The following CYP39A1 variants were observed in gnomAD, a reference collection of about 807,000 sequenced individuals.
The protein encoded by CYP39A1 is cytochrome P450 family 39 subfamily A member 1.
In CYP39A1, 49 loss-of-function variants were observed where a neutral mutation model predicts 58.1. The ratio of observed to expected loss-of-function variants is 0.84; its 90% CI spans 0.67 to 1.07. The LOEUF is 1.07. Ranked by LOEUF, CYP39A1 falls within the 50% of genes least tolerant of loss-of-function variation. CYP39A1 has a pLI of 0.00. For missense variants in CYP39A1, 531 were observed against 539.4 expected (o/e 0.98, Z 0.16); for synonymous variants, 209 against 187.6 (o/e 1.11, Z -0.93).
At chr6:46,586,993 G>A in intron 10 of CYP39A1, 84 bp downstream of exon 10, 1 of 890,716 alleles carries the variant, frequency 1.1e-6, no homozygotes, top group South Asian at 1.5e-5. Flanking sequence ...TATATATAAA[G>A]AGATTAAGCC....
intron 1 of CYP39A1, 99 bp downstream of exon 1, chr6:46,652,307 T>A (rs1165752328): frequency 1.0e-5 from 12 of 1,177,218 alleles, no homozygotes; most frequent in Non-Finnish European, 1.4e-5. Context: ...AGCAGGTATG[T>A]TCCCCGTGTT....
intron 7 of CYP39A1, among the ~76,000 whole-genome samples, chr6:46,600,080 C>T (rs1773394953): frequency 6.6e-6 from 1 of 151,996 alleles, no homozygotes; most frequent in African/African-American, 2.4e-5. Flanking sequence ...AGAGGAGCAT[C>T]TTTTGGTATT....
At chr6:46,560,138 C>A (rs1770897910) in intron 10 of CYP39A1, among the ~76,000 whole-genome samples, 1 of 151,998 alleles carries the variant, frequency 6.6e-6, no homozygotes, top group Non-Finnish European at 1.5e-5. Context: ...GTGCAAAAAT[C>A]CAGAGTTAGA....
intron 10 of CYP39A1, among the ~76,000 whole-genome samples, chr6:46,557,223 AT>A (rs1315704782): frequency 1.3e-5 from 2 of 152,020 alleles, no homozygotes; most frequent in Non-Finnish European, 2.9e-5. Context: ...TCTAACATAC[AT>A]GTTATTAGAG....
chr6:46,588,408 T>G (rs1772610371), intron 8 of CYP39A1, among the ~76,000 whole-genome samples: 1 of 151,992 alleles, frequency 6.6e-6, no homozygotes. Context: ...TGTACATATA[T>G]TCAGTTATAT....
At chr6:46,605,627 G>A (rs1773800414) in intron 7 of CYP39A1, among the ~76,000 whole-genome samples, 1 of 152,060 alleles carries the variant, frequency 6.6e-6, no homozygotes, top group Non-Finnish European at 1.5e-5. Flanking sequence ...GGAATCAAGA[G>A]AAGGCTAGAA....
chr6:46,610,077 A>ATTCT, intron 7 of CYP39A1, among the ~76,000 whole-genome samples: 1 of 152,338 alleles, frequency 6.6e-6, no homozygotes, highest in African/African-American at 2.4e-5. Flanking sequence ...TAGAATATTA[A>ATTCT]TTCTTTCCAA....
At chr6:46,577,004 G>GA (rs1401077694) in intron 10 of CYP39A1, among the ~76,000 whole-genome samples, 10 of 152,170 alleles carry the variant, frequency 6.6e-5, no homozygotes, top group South Asian at 4.1e-4. Flanking sequence ...CAATGCAAAA[G>GA]AAAAAATCTT....
At chr6:46,585,471 CA>C (rs905841543) in intron 10 of CYP39A1, among the ~76,000 whole-genome samples, 4 of 152,082 alleles carry the variant, frequency 2.6e-5, no homozygotes, top group Non-Finnish European at 4.4e-5. Flanking sequence ...GTGACAAAAA[CA>C]AAAAATTTGT....
At position 46,633,806 on chromosome 6, in the gene CYP39A1, G is replaced by A. The variant is rs372472301; in HGVS notation, c.732+2583C>T. ...TGGGAGGCAGAGGTTGCAGTGAGCC[G>A]AGATCACACCACTGCACTCCAGCCT... On this transcript the variant is annotated intron_variant, in intron 5 of 11. Coordinates refer to ENST00000275016, the MANE Select transcript of CYP39A1 (RefSeq NM_016593.5). Among the ~76,000 whole-genome samples, 8 of 151,304 alleles carry A rather than the reference G, an allele frequency of 5.3e-5. No individual in the cohort carries two copies. The East Asian group carries it at 7.8e-4, about 15-fold the overall frequency.
chr6:46,626,661 T>G (rs1775325729), intron 6 of CYP39A1, among the ~76,000 whole-genome samples: 1 of 152,198 alleles, frequency 6.6e-6, no homozygotes, highest in South Asian at 2.1e-4. Flanking sequence ...TTAGAGGCTT[T>G]CTTTCAGGAG....
intron 10 of CYP39A1, among the ~76,000 whole-genome samples, chr6:46,555,177 T>C (rs554816014): frequency 1.3e-5 from 2 of 152,318 alleles, no homozygotes; most frequent in East Asian, 1.9e-4. Context: ...CTTGACACCA[T>C]GTGGCTCTAG....
chr6:46,569,294 C>CAT lies in CYP39A1; in HGVS notation c.1251-15442_1251-15441dup, dbSNP rs563649959. 7.9e-5 allele frequency among the ~76,000 whole-genome samples: 12 copies of CAT among 151,958 alleles called. No individual in the cohort carries two copies. The South Asian group carries it at 2.3e-3, about 29-fold the overall frequency. On this transcript the variant is annotated intron_variant, in intron 10 of 11. Coordinates refer to ENST00000275016, the MANE Select transcript of CYP39A1 (RefSeq NM_016593.5). ...AGTGTTTTGGGGGCAGTGGATTGTA[C>CAT]ATATAAGATCATATCATCTGTGAAG...
intron 7 of CYP39A1, among the ~76,000 whole-genome samples, chr6:46,611,250 T>C (rs969576872): frequency 6.6e-6 from 1 of 152,254 alleles, no homozygotes; most frequent in Non-Finnish European, 1.5e-5. Context: ...ATATTCCTAT[T>C]GAAAAATTAC....
Position 46,572,994 on chromosome 6 carries a change from T to G in CYP39A1, c.1250+14083A>C, listed in dbSNP as rs186272243. On this transcript the variant is annotated intron_variant, in intron 10 of 11. Transcript: ENST00000275016. ...TTCACTGTATTTTTCAGCTCCAGGA[T>G]TTATGTTTGCTTTCTTTTGATCTTT... 7.9e-5 allele frequency among the ~76,000 whole-genome samples: 12 copies of G among 152,102 alleles called. No homozygotes were observed. In the East Asian group the frequency reaches 2.3e-3, roughly 29 times the overall value.
At chr6:46,636,991 G>C (rs145055435) in intron 4 of CYP39A1, among the ~76,000 whole-genome samples, 130 of 152,232 alleles carry the variant, frequency 8.5e-4, no homozygotes, top group African/African-American at 2.9e-3. Flanking sequence ...ATTAGGAGGT[G>C]GGGGTCTTTG....
chr6:46,602,933 G>A (rs113401586), intron 7 of CYP39A1, among the ~76,000 whole-genome samples: 13 of 130,846 alleles, frequency 9.9e-5, no homozygotes, highest in African/African-American at 3.4e-4. Context: ...TGGGGGGGGG[G>A]AGCTTTATTT....
At chr6:46,638,616 A>G (rs1776141431) in intron 3 of CYP39A1, among the ~76,000 whole-genome samples, 1 of 152,232 alleles carries the variant, frequency 6.6e-6, no homozygotes, top group Admixed American at 6.5e-5. Flanking sequence ...TTTTAAAAAT[A>G]TCCAAGAATA....
At chr6:46,632,999 T>C (rs982529252) in intron 5 of CYP39A1, among the ~76,000 whole-genome samples, 5 of 151,922 alleles carry the variant, frequency 3.3e-5, no homozygotes, top group Non-Finnish European at 7.3e-5. Flanking sequence ...TACTAAAGCA[T>C]GTAATTTGTC....
Sources: allele counts gnomAD v4.1 joint callset (sites outside exome capture counted in the v4.1 genomes callset), GRCh38; gene constraint gnomAD v4.1.1; transcripts MANE v1.5; gene names NCBI Gene and HGNC (gene_info 2026-07-23, HGNC 2026-07-21).